TENM2: variants seen among roughly 807,000 people sequenced by gnomAD.
TENM2 encodes the protein teneurin-2.
Under a neutral mutation model 245.2 loss-of-function variants are expected in TENM2, and 52 were observed. That is an observed-to-expected ratio of 0.21 (90% CI 0.17 to 0.27). The LOEUF (loss-of-function observed/expected upper bound fraction) is 0.27. Among genes scored for constraint, TENM2 ranks in the 10% least tolerant of loss-of-function variants. The probability of loss-of-function intolerance (pLI) is 1.00; values close to 1 mark genes in which losing one functional copy is unlikely to be tolerated. For missense variants in TENM2, 3,046 were observed against 3,666.8 expected, an observed-to-expected ratio of 0.83 and a Z score of 4.37; for synonymous variants, 1,363 against 1,438.9, an observed-to-expected ratio of 0.95 and a Z score of 1.19.
the TENM2 span, among the ~76,000 whole-genome samples, chr5:167,057,927 G>A: frequency 2.6e-5 from 4 of 152,030 alleles, no homozygotes; most frequent in African/African-American, 9.7e-5. Flanking sequence ...TTTAAATCTT[G>A]GAGCTGTCCA....
At chr5:167,001,175 A>G in the TENM2 span, among the ~76,000 whole-genome samples, 1 of 152,140 alleles carries the variant, frequency 6.6e-6, no homozygotes, top group Non-Finnish European at 1.5e-5. Flanking sequence ...GCCTTGACTA[A>G]TGTTATAGGT....
chr5:167,310,426 G>A (rs1274287113), intron 1 of TENM2, among the ~76,000 whole-genome samples: 3 of 152,216 alleles, frequency 2.0e-5, no homozygotes, highest in African/African-American at 4.8e-5. Flanking sequence ...AGTACACAGT[G>A]CTAGTGTTTA....
At chr5:167,487,341 A>G (rs1768137647) in intron 2 of TENM2, among the ~76,000 whole-genome samples, 4 of 151,822 alleles carry the variant, frequency 2.6e-5, no homozygotes, top group African/African-American at 4.8e-5. Flanking sequence ...ATAGATTTGC[A>G]TGTGTGTGTG....
the TENM2 span, among the ~76,000 whole-genome samples, chr5:167,011,351 A>G: frequency 4.6e-5 from 7 of 152,224 alleles, no homozygotes; most frequent in African/African-American, 7.2e-5. Flanking sequence ...ACAAAGACCA[A>G]CTTCAGCCAA....
intron 5 of TENM2, among the ~76,000 whole-genome samples, chr5:168,018,981 G>A (rs78049382): frequency 6.1e-4 from 93 of 152,244 alleles, no homozygotes; most frequent in African/African-American, 2.1e-3. Flanking sequence ...AAAAGGAGTC[G>A]TCTGTCTGTT....
intron 2 of TENM2, among the ~76,000 whole-genome samples, chr5:167,701,512 A>G (rs1758142778): frequency 6.6e-6 from 1 of 152,148 alleles, no homozygotes; most frequent in Non-Finnish European, 1.5e-5. Flanking sequence ...AGAAAACAAC[A>G]TAGGTTCGTG....
At chr5:167,580,103 TC>T (rs1774985650) in intron 2 of TENM2, among the ~76,000 whole-genome samples, 1 of 152,202 alleles carries the variant, frequency 6.6e-6, no homozygotes, top group Admixed American at 6.5e-5. Context: ...GTCCTGATTA[TC>T]CAGGGTTTGA....
intron 27 of TENM2, among the ~76,000 whole-genome samples, chr5:168,251,997 CA>C: frequency 6.6e-6 from 1 of 152,336 alleles, no homozygotes; most frequent in African/African-American, 2.4e-5. Context: ...GGCTGCAAAG[CA>C]GCACTCTTTT....
chr5:167,233,737 T>G, the TENM2 span, among the ~76,000 whole-genome samples: 1 of 152,146 alleles, frequency 6.6e-6, no homozygotes, highest in African/African-American at 2.4e-5. Flanking sequence ...GTTTTTATAG[T>G]GACTCAACAA....
chr5:167,913,968 G>C (rs1776737012), intron 3 of TENM2, among the ~76,000 whole-genome samples: 1 of 152,198 alleles, frequency 6.6e-6, no homozygotes, highest in Non-Finnish European at 1.5e-5. Context: ...GCCTGCGTCT[G>C]GTGAGCAATC....
chr5:167,024,441 A>C, the TENM2 span, among the ~76,000 whole-genome samples: 3 of 152,198 alleles, frequency 2.0e-5, no homozygotes, highest in Admixed American at 2.0e-4. Flanking sequence ...AGAAAGAACT[A>C]AGGTAAGCAA....
intron 2 of TENM2, among the ~76,000 whole-genome samples, chr5:167,749,495 G>T: frequency 6.6e-6 from 1 of 152,094 alleles, no homozygotes; most frequent in Admixed American, 6.5e-5. Flanking sequence ...AAAATCAGCC[G>T]GGTGTGGTGG....
chr5:167,862,153 A>T lies in TENM2; in HGVS notation c.503-13833A>T, dbSNP rs573281494. Among the ~76,000 whole-genome samples, 4 of 152,330 alleles carry T rather than the reference A, an allele frequency of 2.6e-5. No homozygotes were observed. The South Asian group carries it at 8.3e-4, about 32-fold the overall frequency. On this transcript the variant is annotated intron_variant, in intron 2 of 28. Transcript: ENST00000518659. ...TCTTCAAATAGGCTTGTAAAAAGTG[A>T]GGAAGGCATTATTTATGAAAATAGA...
intron 2 of TENM2, among the ~76,000 whole-genome samples, chr5:167,403,570 A>T (rs1044999369): frequency 3.9e-5 from 6 of 152,126 alleles, no homozygotes; most frequent in Non-Finnish European, 5.9e-5. Flanking sequence ...AGAACAAAAA[A>T]CTTTTATAAC....
chr5:167,827,302 T>A (rs1768048452), intron 2 of TENM2, among the ~76,000 whole-genome samples: 1 of 152,052 alleles, frequency 6.6e-6, no homozygotes, highest in Admixed American at 6.5e-5. Flanking sequence ...GTCCTCAGAG[T>A]GGGGCTGGTA....
chr5:168,260,311 A>G, exon 28 of TENM2: 1 of 1,613,982 alleles, frequency 6.2e-7, no homozygotes, highest in Non-Finnish European at 8.5e-7. Flanking sequence ...TGATGTTTGG[A>G]TTTCAGCTTA....
At chr5:167,450,515 C>T (rs1001175170) in intron 2 of TENM2, among the ~76,000 whole-genome samples, 7 of 152,088 alleles carry the variant, frequency 4.6e-5, no homozygotes, top group Non-Finnish European at 1.0e-4. Flanking sequence ...GTAAATATTT[C>T]TTGAATTCAT....
At chr5:167,813,106 A>G (rs1766761829) in intron 2 of TENM2, among the ~76,000 whole-genome samples, 1 of 152,160 alleles carries the variant, frequency 6.6e-6, no homozygotes. Flanking sequence ...ACTGGAAAGT[A>G]CCCGACTTTC....
the TENM2 span, among the ~76,000 whole-genome samples, chr5:167,266,285 AG>A: frequency 4.3e-3 from 651 of 152,294 alleles, 2 homozygotes; most frequent in African/African-American, 0.015. Context: ...TATAAGAAGA[AG>A]GGGGTGAACA....
Sources: allele counts gnomAD v4.1 joint callset (sites outside exome capture counted in the v4.1 genomes callset), GRCh38; gene constraint gnomAD v4.1.1; transcripts MANE v1.5; gene names NCBI Gene and HGNC (gene_info 2026-07-23, HGNC 2026-07-21).